The following VTI1A variants were observed in gnomAD, a reference collection of about 807,000 sequenced individuals.
VTI1A encodes vesicle transport through interaction with t-SNAREs homolog 1A.
In VTI1A, 22 loss-of-function variants were observed where a neutral mutation model predicts 34.9. That is an observed-to-expected ratio of 0.63 (90% confidence interval 0.45 to 0.90). The LOEUF is 0.90. Among genes scored for constraint, VTI1A ranks in the 40% least tolerant of loss-of-function variants. The pLI is 0.00. For synonymous variants in VTI1A, 87 were observed against 97.3 expected, an observed-to-expected ratio of 0.89 and a Z score of 0.62; for missense variants, 268 against 275.6, an observed-to-expected ratio of 0.97 and a Z score of 0.20.
At chr10:112,468,151 T>C (rs1429318121) in intron 3 of VTI1A, among the ~76,000 whole-genome samples, 1 of 152,144 alleles carries the variant, frequency 6.6e-6, no homozygotes, top group Non-Finnish European at 1.5e-5. Context: ...TGTGAGGGCA[T>C]TGTAGGCCGT....
chr10:112,533,600 A>G (rs909955515), intron 4 of VTI1A: 2 of 994,408 alleles, frequency 2.0e-6, no homozygotes, highest in African/African-American at 1.7e-5. Context: ...TTTTCCCTAT[A>G]AAATTGAGTT....
intron 7 of VTI1A, among the ~76,000 whole-genome samples, chr10:112,814,166 G>A (rs1034636541): frequency 6.6e-6 from 1 of 152,230 alleles, no homozygotes; most frequent in Non-Finnish European, 1.5e-5. Context: ...AAGTAGGGGT[G>A]TGGGGTCTCT....
chr10:112,451,443 A>G (rs922712254), intron 1 of VTI1A, among the ~76,000 whole-genome samples: 1 of 152,232 alleles, frequency 6.6e-6, no homozygotes, highest in Non-Finnish European at 1.5e-5. Context: ...TAAATCTTAC[A>G]CTTCAATTCT....
At chr10:112,763,297 G>T (rs1334151355) in intron 7 of VTI1A, among the ~76,000 whole-genome samples, 2 of 151,976 alleles carry the variant, frequency 1.3e-5, no homozygotes, top group African/African-American at 4.8e-5. Flanking sequence ...AAAATTAGCC[G>T]GGCATGGTGG....
chr10:112,815,450 C>A lies in VTI1A; in HGVS notation c.*67C>A. On this transcript the variant is annotated 3_prime_UTR_variant, in exon 8 of 8. Coordinates refer to ENST00000393077, the MANE Select transcript of VTI1A (RefSeq NM_145206.4). Reference sequence around the variant, plus strand: ...CTGAGTAATTAAGACAAAATGGTCACATGAATCATTCTGTTGCGCTGACAG... The same window carrying A: ...CTGAGTAATTAAGACAAAATGGTCAAATGAATCATTCTGTTGCGCTGACAG... 7.2e-7 allele frequency: 1 copy of A among 1,393,332 alleles called. No homozygotes were observed. Among genetic ancestry groups the A allele is most frequent in the Non-Finnish European group, 1.0e-6 (1 of 980,600 alleles). 86.3% of individuals were successfully genotyped at this position (1,393,332 alleles called of 1,614,324 possible). A position where few individuals can be genotyped will look rare whatever the true frequency, so the allele number is the denominator to read the frequency against.
chr10:112,548,097 CTAATAGAGT>C (rs1251550513), intron 5 of VTI1A, among the ~76,000 whole-genome samples: 1 of 152,124 alleles, frequency 6.6e-6, no homozygotes, highest in Non-Finnish European at 1.5e-5. Context: ...GACTGAACTA[CTAATAGAGT>C]TTTCCTAAGT....
chr10:112,527,128 G>A lies in VTI1A; in HGVS notation c.306G>A (p.Glu102=), dbSNP rs1850259013. ...CCTACAGTGACGAAGTACGGAATGA[G>A]CTCCTGGGGGATGATGGGAATTCCT... The part of the protein sequence containing the change: ...RIAYSDEVRN[E]LLGDDGNSSE... Residue 102 remains glutamate (E), a synonymous_variant, in exon 4 of 8, where the codon GAG becomes GAA. Transcript: ENST00000393077. 4 of 1,613,458 alleles carry A rather than the reference G, an allele frequency of 2.5e-6. No homozygotes were observed. The highest frequency in any genetic ancestry group is 1.7e-4 in the Middle Eastern group (1 of 6,058).
rs532993849 is a variant in VTI1A at position 112,748,908 on chromosome 10, C to T, written c.561-66382C>T. On this transcript the variant is annotated intron_variant, in intron 7 of 7. Transcript: ENST00000393077. The stretch of plus-strand genomic sequence containing the variant: ...CCTCCCAAAGTGCTGGGATTACAGG[C>T]GTGAGCCACTGCTCCCAGCAGAAAA... Among the ~76,000 whole-genome samples, 7 of 152,210 alleles carry T rather than the reference C, an allele frequency of 4.6e-5. No individual in the cohort carries two copies. The South Asian group carries it at 1.5e-3, about 32-fold the overall frequency.
intron 3 of VTI1A, among the ~76,000 whole-genome samples, chr10:112,509,782 A>G (rs963837109): frequency 1.3e-5 from 2 of 152,240 alleles, no homozygotes; most frequent in Non-Finnish European, 2.9e-5. Flanking sequence ...TCTCTACTGC[A>G]TGTGCAACTG....
rs111280726 is a variant in VTI1A at position 112,799,019 on chromosome 10, G to A, written c.561-16271G>A. On this transcript the variant is annotated intron_variant, in intron 7 of 7. Transcript: ENST00000393077. The stretch of plus-strand genomic sequence containing the variant: ...TGCTTCTCGTGAGAGTCCATGAGGC[G>A]CGCACAGGCTGGTTTCTGGCTCCTG... 9.2e-3 allele frequency among the ~76,000 whole-genome samples: 1,400 copies of A among 152,252 alleles called. 9 individuals are homozygous for A. The highest frequency in any genetic ancestry group is 0.015 in the Non-Finnish European group (1,047 of 68,012).
chr10:112,455,780 G>T (rs1847499993), intron 1 of VTI1A, among the ~76,000 whole-genome samples: 1 of 151,528 alleles, frequency 6.6e-6, no homozygotes, highest in African/African-American at 2.4e-5. Flanking sequence ...GAATGTCTCA[G>T]TTCCATCATT....
At chr10:112,806,750 A>AT (rs1480570200) in intron 7 of VTI1A, among the ~76,000 whole-genome samples, 4 of 149,982 alleles carry the variant, frequency 2.7e-5, no homozygotes, top group African/African-American at 9.9e-5. Flanking sequence ...CACCTGCCTA[A>AT]TTTTTTTTAA....
In VTI1A at chr10:112,611,737, A is replaced by ATTTTTTTTTTTTTTTTTT. The variant is rs3057346; in HGVS notation, c.428-56476_428-56459dup. ...TAAAGCCCATTTGGTGAGAAAGGTAATTTTTTTTTTTTTTTTTTTTTTGTG... is the reference window on the plus strand; with the variant it reads ...TAAAGCCCATTTGGTGAGAAAGGTAATTTTTTTTTTTTTTTTTTTTTTTTTTTTTTTTTTTTTTTTGTG... On this transcript the variant is annotated intron_variant, in intron 5 of 7. Transcript: ENST00000393077. Among the ~76,000 whole-genome samples the ATTTTTTTTTTTTTTTTTT allele has an allele frequency of 1.5e-3, 154 of 100,784 alleles. 15 individuals carry two copies. The highest frequency in any genetic ancestry group is 5.5e-3 in the African/African-American group (124 of 22,352). 66.1% of individuals were successfully genotyped at this position (100,784 alleles called of 152,430 possible).
intron 3 of VTI1A, among the ~76,000 whole-genome samples, chr10:112,482,901 C>G (rs1848500009): frequency 6.6e-6 from 1 of 152,194 alleles, no homozygotes; most frequent in Non-Finnish European, 1.5e-5. Flanking sequence ...AACCTTGCCA[C>G]TAACTCAAGG....
intron 7 of VTI1A, among the ~76,000 whole-genome samples, chr10:112,793,688 TCTGAA>T (rs1441994262): frequency 3.3e-5 from 5 of 152,232 alleles, no homozygotes; most frequent in Non-Finnish European, 2.9e-5. Context: ...CTGCTTGAAC[TCTGAA>T]CTGGGCCTTG....
At chr10:112,531,828 A>G (rs1850455758) in intron 4 of VTI1A, among the ~76,000 whole-genome samples, 1 of 152,150 alleles carries the variant, frequency 6.6e-6, no homozygotes, top group Non-Finnish European at 1.5e-5. Flanking sequence ...TTTTTCTCCC[A>G]TGATGTTGGG....
intron 3 of VTI1A, among the ~76,000 whole-genome samples, chr10:112,494,520 TCTTTCCTCCTC>T (rs1307471980): frequency 1.3e-5 from 2 of 152,048 alleles, no homozygotes; most frequent in Admixed American, 1.3e-4. Context: ...CTTTCCTCCT[TCTTTCCTCCTC>T]CTTTCCTCGC....
chr10:112,795,898 C>T (rs1238181719), intron 7 of VTI1A, among the ~76,000 whole-genome samples: 2 of 152,070 alleles, frequency 1.3e-5, no homozygotes, highest in Admixed American at 6.5e-5. Flanking sequence ...AGAAAAAACA[C>T]CCACCACCCG....
At chr10:112,622,436 T>C (rs1018911548) in intron 5 of VTI1A, among the ~76,000 whole-genome samples, 1 of 150,510 alleles carries the variant, frequency 6.6e-6, no homozygotes, top group East Asian at 1.9e-4. Flanking sequence ...AATTTTATAT[T>C]TATAAAACAA....
Sources: allele counts gnomAD v4.1 joint callset (sites outside exome capture counted in the v4.1 genomes callset), GRCh38; gene constraint gnomAD v4.1.1; transcripts MANE v1.5; gene names NCBI Gene and HGNC (gene_info 2026-07-23, HGNC 2026-07-21).